ST7L: variants seen among roughly 807,000 people sequenced by gnomAD.
ST7L encodes suppressor of tumorigenicity 7 protein-like.
Under a neutral mutation model 72.5 loss-of-function variants are expected in ST7L, and 57 were observed. That is an observed-to-expected ratio of 0.79 (90% CI 0.64 to 0.98). The LOEUF is 0.98. Among genes scored for constraint, ST7L ranks in the 50% least tolerant of loss-of-function variants. ST7L has a pLI of 0.00. For missense variants in ST7L, 576 were observed against 672.2 expected, an observed-to-expected ratio of 0.86 and a Z score of 1.58; for synonymous variants, 221 against 240.9, an observed-to-expected ratio of 0.92 and a Z score of 0.77.
chr1:112,529,006 T>TA (rs1310824984), intron 14 of ST7L: 2 of 152,202 alleles, frequency 1.3e-5, no homozygotes, highest in Non-Finnish European at 2.9e-5. Flanking sequence ...AATCGCTACT[T>TA]ATGGGGCTTT....
Position 112,525,333 on chromosome 1 carries a change from G to A in ST7L, c.*680C>T, listed in dbSNP as rs1472037689. 1 of 152,298 alleles carries A rather than the reference G, an allele frequency of 6.6e-6. No individual in the cohort carries two copies. The highest frequency in any genetic ancestry group is 6.5e-5 in the Admixed American group (1 of 15,286). The allele number at this position is 152,298 out of a possible 1,614,324, so 9.4% of individuals were successfully genotyped here. A position where few individuals can be genotyped will look rare whatever the true frequency, so the allele number is the denominator to read the frequency against. On this transcript the variant is annotated 3_prime_UTR_variant, in exon 15 of 15. Transcript: ENST00000358039. ...GGGTAAATATATCACAGTTGCTACA[G>A]TGAATTGAGCTTTCTCAGAAGCTAT...
At chr1:112,560,011 A>AT (rs949339956) in intron 11 of ST7L, among the ~76,000 whole-genome samples, 2 of 152,048 alleles carry the variant, frequency 1.3e-5, no homozygotes, top group East Asian at 1.9e-4. Flanking sequence ...ATGCTAGCTT[A>AT]TTTTTTATTT....
chr1:112,609,694 A>C (rs1210904357), intron 3 of ST7L, among the ~76,000 whole-genome samples: 2 of 151,968 alleles, frequency 1.3e-5, no homozygotes, highest in Admixed American at 6.6e-5. Flanking sequence ...ATGGTGGTGC[A>C]TGCCTGTAGT....
At chr1:112,594,353 A>G (rs1298397283) in intron 5 of ST7L, among the ~76,000 whole-genome samples, 2 of 152,182 alleles carry the variant, frequency 1.3e-5, no homozygotes, top group Non-Finnish European at 2.9e-5. Flanking sequence ...AAGACATCCT[A>G]TAATAGTATT....
Position 112,584,026 on chromosome 1 carries a change from A to T in ST7L, c.802T>A (p.Tyr268Asn), listed in dbSNP as rs1664507899. 1.2e-6 allele frequency: 2 copies of T among 1,614,064 alleles called. No individual in the cohort carries two copies. Among genetic ancestry groups the T allele is most frequent in the South Asian group, 1.1e-5 (1 of 91,088 alleles). The change falls in exon 7 of 15, where the codon TAT (tyrosine) becomes AAT (asparagine). Residue 268 changes from tyrosine (Y) to asparagine (N), a missense_variant. Physicochemically the swap from Tyr to Asn is moderately radical, Grantham distance 143 (BLOSUM62 -2). Coordinates refer to ENST00000358039, the MANE Select transcript of ST7L (RefSeq NM_017744.5). ...KQALKAGETI[Y>N]RQSQQCQHQS... ...TGCTGGCACTGCTGTGACTGCCTATAAATTGTTTCTCCTGCCTTGAGTGCC... is the reference window on the plus strand; with the variant it reads ...TGCTGGCACTGCTGTGACTGCCTATTAATTGTTTCTCCTGCCTTGAGTGCC...
intron 13 of ST7L, among the ~76,000 whole-genome samples, chr1:112,543,231 T>C (rs887308850): frequency 1.3e-5 from 2 of 152,334 alleles, no homozygotes; most frequent in African/African-American, 2.4e-5. Flanking sequence ...TTTATATATG[T>C]GGCATTTCAT....
intron 14 of ST7L, among the ~76,000 whole-genome samples, chr1:112,536,319 C>T (rs2101290882): frequency 6.6e-6 from 1 of 152,026 alleles, no homozygotes; most frequent in African/African-American, 2.4e-5. Context: ...TATCATGTCA[C>T]AGGTTATAAT....
chr1:112,520,808 T>C, downstream of ST7L: 1 of 392,556 alleles, frequency 2.5e-6, no homozygotes, highest in East Asian at 4.2e-5. Context: ...AAGTACGTAG[T>C]TGAGGCTCCT....
chr1:112,610,697 C>T (rs1260658053), intron 3 of ST7L, 144 bp downstream of exon 3: 16 of 1,007,944 alleles, frequency 1.6e-5, no homozygotes, highest in Non-Finnish European at 1.9e-5. Context: ...GACCCTACCT[C>T]GTAACATCAC....
chr1:112,585,941 AG>A (rs1159238672), intron 6 of ST7L, among the ~76,000 whole-genome samples: 1 of 152,210 alleles, frequency 6.6e-6, no homozygotes, highest in Non-Finnish European at 1.5e-5. Flanking sequence ...ATTAAACAAA[AG>A]TGATGGCAGG....
Position 112,555,935 on chromosome 1 carries a change from G to A in ST7L, c.1329C>T (p.Phe443=). ...RGDSEAIAYA[F]FHLQHWKRIE... The stretch of plus-strand genomic sequence containing the variant: ...TTCGTTTCCAGTGCTGAAGATGAAA[G>A]AAAGCATAGGCAATTGCTTCACTAT... Residue 443 remains phenylalanine, a synonymous_variant, in exon 12 of 15, where the codon TTC becomes TTT. Transcript: ENST00000358039. The A allele has an allele frequency of 1.2e-6, 2 of 1,612,418 alleles. No individual in the cohort carries two copies. Among genetic ancestry groups the A allele is most frequent in the Non-Finnish European group, 1.7e-6 (2 of 1,179,008 alleles).
chr1:112,613,908 T>C (rs925095277), intron 2 of ST7L, among the ~76,000 whole-genome samples: 1 of 152,134 alleles, frequency 6.6e-6, no homozygotes, highest in Admixed American at 6.6e-5. Flanking sequence ...TTTAAAATTT[T>C]ATACAGAGAC....
At chr1:112,566,291 C>CTTT (rs1557989059) in intron 11 of ST7L, among the ~76,000 whole-genome samples, 2 of 110,232 alleles carry the variant, frequency 1.8e-5, no homozygotes. Flanking sequence ...TCTTTTTCTT[C>CTTT]TTCTTCTTTT....
chr1:112,579,122 T>C (rs1439861004), intron 9 of ST7L, among the ~76,000 whole-genome samples: 1 of 152,116 alleles, frequency 6.6e-6, no homozygotes, highest in Non-Finnish European at 1.5e-5. Context: ...TGGTGGCTCA[T>C]GCCTGTAATC....
intron 11 of ST7L, among the ~76,000 whole-genome samples, chr1:112,574,140 C>G (rs1015615609): frequency 6.7e-6 from 1 of 149,408 alleles, no homozygotes; most frequent in Non-Finnish European, 1.5e-5. Flanking sequence ...TGGTCTTGAA[C>G]TCTTGAGCTT....
chr1:112,529,953 A>G (rs1654104205), intron 14 of ST7L: 1 of 152,198 alleles, frequency 6.6e-6, no homozygotes, highest in South Asian at 2.1e-4. Context: ...ACCCAGAAAT[A>G]TGAATGTGCC....
At chr1:112,568,581 C>T (rs1425049250) in intron 11 of ST7L, among the ~76,000 whole-genome samples, 2 of 150,888 alleles carry the variant, frequency 1.3e-5, no homozygotes, top group Non-Finnish European at 3.0e-5. Flanking sequence ...GTGATTCGCC[C>T]GCCTCAGCCT....
chr1:112,538,519 A>G (rs1046383810), intron 14 of ST7L, among the ~76,000 whole-genome samples: 2 of 152,022 alleles, frequency 1.3e-5, no homozygotes, highest in Admixed American at 1.3e-4. Flanking sequence ...ATTTTTTTGT[A>G]TATTTGGAAG....
chr1:112,543,882 A>C (rs1017727886), intron 13 of ST7L, among the ~76,000 whole-genome samples: 2 of 151,572 alleles, frequency 1.3e-5, no homozygotes, highest in African/African-American at 4.8e-5. Flanking sequence ...AAAAAAAAAA[A>C]AAAAAAAAAC....
Sources: allele counts gnomAD v4.1 joint callset (sites outside exome capture counted in the v4.1 genomes callset), GRCh38; gene constraint gnomAD v4.1.1; transcripts MANE v1.5; gene names NCBI Gene and HGNC (gene_info 2026-07-23, HGNC 2026-07-21).